Variants in EPHA6 observed in about 807,000 individuals in gnomAD.
EPHA6 encodes the protein ephrin type-A receptor 6.
EPHA6 carries 50 observed loss-of-function variants against 112.0 expected under a neutral mutation model. That is an observed-to-expected ratio of 0.45 (90% CI 0.36 to 0.56). EPHA6 has a LOEUF of 0.56. Ranked by LOEUF, EPHA6 falls within the 20% of genes least tolerant of loss-of-function variation. The probability of loss-of-function intolerance (pLI) is 0.00; values close to 1 mark genes in which losing one functional copy is unlikely to be tolerated. For missense variants in EPHA6, 1,280 were observed against 1,417.4 expected (o/e 0.90, Z 1.56); for synonymous variants, 529 against 490.7 (o/e 1.08, Z -1.03).
intron 1 of EPHA6, among the ~76,000 whole-genome samples, chr3:96,850,775 C>CTAAGTCATAA (rs1393877173): frequency 7.2e-5 from 11 of 152,108 alleles, no homozygotes; most frequent in Non-Finnish European, 1.3e-4. Flanking sequence ...TGAAAGAGGA[C>CTAAGTCATAA]ATTTTATGAC....
intron 2 of EPHA6, among the ~76,000 whole-genome samples, chr3:96,892,570 G>A (rs1383030738): frequency 1.3e-5 from 2 of 151,814 alleles, no homozygotes; most frequent in African/African-American, 4.8e-5. Context: ...TGATATCATC[G>A]GGACTCAGAT....
intron 12 of EPHA6, among the ~76,000 whole-genome samples, chr3:97,595,782 T>C (rs759696308): frequency 6.6e-6 from 1 of 151,976 alleles, no homozygotes; most frequent in Non-Finnish European, 1.5e-5. Context: ...ATGACGTAAC[T>C]CTAAAATTTT....
chr3:97,173,353 C>T (rs546327033), intron 3 of EPHA6, among the ~76,000 whole-genome samples: 2 of 151,754 alleles, frequency 1.3e-5, no homozygotes, highest in African/African-American at 4.8e-5. Flanking sequence ...AAACATTTCC[C>T]AATGCCAGAC....
chr3:97,448,452 G>C (rs1270785052), intron 6 of EPHA6, 116 bp from the exon 7 acceptor site: 1 of 1,084,314 alleles, frequency 9.2e-7, no homozygotes, highest in South Asian at 1.5e-5. Context: ...ACACTACTTT[G>C]TAATCAATAC....
chr3:97,366,000 A>G (rs1478630335), intron 5 of EPHA6, among the ~76,000 whole-genome samples: 1 of 152,210 alleles, frequency 6.6e-6, no homozygotes, highest in Non-Finnish European at 1.5e-5. Context: ...TTAAAAATTC[A>G]TATTGCACCA....
At chr3:96,971,718 C>T (rs983042008) in intron 2 of EPHA6, among the ~76,000 whole-genome samples, 5 of 152,020 alleles carry the variant, frequency 3.3e-5, no homozygotes, top group East Asian at 3.9e-4. Flanking sequence ...ATGAGATACC[C>T]GTGTACATTC....
rs532081618 is a variant in EPHA6, at chr3:97,070,641, T to A, written c.1114+82648T>A. Among the ~76,000 whole-genome samples, 10 of 152,306 alleles carry A rather than the reference T, an allele frequency of 6.6e-5. No individual in the cohort carries two copies. In the Middle Eastern group the frequency reaches 0.01, roughly 155 times the overall value. On this transcript the variant is annotated intron_variant, in intron 3 of 17. Coordinates refer to ENST00000389672, the MANE Select transcript of EPHA6 (RefSeq NM_001080448.3). The stretch of plus-strand genomic sequence containing the variant: ...ACAATTTGTAAATAACTTGTACACA[T>A]TCATGGCAGTGTTCTGTGCATGCTA...
chr3:97,720,035 T>G (rs1385501719), intron 14 of EPHA6, among the ~76,000 whole-genome samples: 2 of 152,204 alleles, frequency 1.3e-5, no homozygotes, highest in Non-Finnish European at 2.9e-5. Flanking sequence ...AAATAAAATA[T>G]TTCTGAAGTG....
chr3:96,940,543 T>A (rs988580745), intron 2 of EPHA6, among the ~76,000 whole-genome samples: 3 of 152,206 alleles, frequency 2.0e-5, no homozygotes, highest in Non-Finnish European at 4.4e-5. Flanking sequence ...GGGTCTTGAC[T>A]CTTTACCCAA....
chr3:97,400,046 T>C (rs946792909), intron 5 of EPHA6, among the ~76,000 whole-genome samples: 2 of 151,818 alleles, frequency 1.3e-5, no homozygotes, highest in African/African-American at 4.8e-5. Flanking sequence ...TTCCCTAGTG[T>C]TTTCTTTAAA....
chr3:97,348,110 A>G (rs1469822336), intron 5 of EPHA6, among the ~76,000 whole-genome samples: 10 of 152,076 alleles, frequency 6.6e-5, no homozygotes, highest in Admixed American at 6.6e-4. Context: ...CTAACATTAG[A>G]GAGTAAAATT....
chr3:97,662,811 G>A (rs1320290503), intron 14 of EPHA6, among the ~76,000 whole-genome samples: 2 of 152,194 alleles, frequency 1.3e-5, no homozygotes, highest in African/African-American at 2.4e-5. Flanking sequence ...TATGTAGCAG[G>A]CACTGGCAGT....
At chr3:97,353,519 G>C (rs1016686415) in intron 5 of EPHA6, among the ~76,000 whole-genome samples, 5 of 152,070 alleles carry the variant, frequency 3.3e-5, no homozygotes, top group Admixed American at 6.5e-5. Flanking sequence ...TGGGGTCCAT[G>C]GGAAGAGAAT....
At chr3:96,831,112 G>A (rs939821718) in intron 1 of EPHA6, among the ~76,000 whole-genome samples, 2 of 152,004 alleles carry the variant, frequency 1.3e-5, no homozygotes, top group African/African-American at 2.4e-5. Context: ...AAAATCAGAA[G>A]CTAATAGTTA....
intron 1 of EPHA6, among the ~76,000 whole-genome samples, chr3:96,815,629 T>C (rs549816807): frequency 1.3e-5 from 2 of 152,238 alleles, no homozygotes; most frequent in Admixed American, 1.3e-4. Flanking sequence ...AGGGTGAATT[T>C]CCAAGTTGTG....
rs555269770 is a variant in EPHA6, at chr3:97,431,861, A to C, written c.1732-16707A>C. 2.0e-5 allele frequency among the ~76,000 whole-genome samples: 3 copies of C among 152,246 alleles called. No individual in the cohort carries two copies. In the East Asian group the frequency reaches 5.8e-4, roughly 29 times the overall value. ...TTGCTGTCCACCTTCAACATGGCAA[A>C]CAGATAGCGGTACCTGCCAGATGTA... On this transcript the variant is annotated intron_variant, in intron 6 of 17. Coordinates refer to ENST00000389672, the MANE Select transcript of EPHA6 (RefSeq NM_001080448.3).
rs1477693857 is a variant in EPHA6 at position 97,195,271 on chromosome 3, G to A, written c.1115-30993G>A. Among the ~76,000 whole-genome samples the A allele has an allele frequency of 2.0e-5, 3 of 151,866 alleles. No homozygotes were observed. The East Asian group carries it at 5.8e-4, about 30-fold the overall frequency. On this transcript the variant is annotated intron_variant, in intron 3 of 17. Transcript: ENST00000389672. ...TTTTGTGTAACTGTTTTTGATTTGA[G>A]ATAGCCACGAGGCTTGCAAATAGCA...
At chr3:97,717,498 G>T (rs1178838606) in intron 14 of EPHA6, among the ~76,000 whole-genome samples, 1 of 152,114 alleles carries the variant, frequency 6.6e-6, no homozygotes, top group Non-Finnish European at 1.5e-5. Context: ...CCACTCTGTG[G>T]CTTACAGATG....
At chr3:96,907,042 G>T (rs1262987158) in intron 2 of EPHA6, among the ~76,000 whole-genome samples, 1 of 151,764 alleles carries the variant, frequency 6.6e-6, no homozygotes, top group African/African-American at 2.4e-5. Flanking sequence ...ATTTATAAAA[G>T]AGGACTTCTG....
Sources: allele counts gnomAD v4.1 joint callset (sites outside exome capture counted in the v4.1 genomes callset), GRCh38; gene constraint gnomAD v4.1.1; transcripts MANE v1.5; gene names NCBI Gene and HGNC (gene_info 2026-07-23, HGNC 2026-07-21).